Variants in DENND1B observed in about 807,000 individuals in gnomAD.
DENND1B encodes DENN domain-containing protein 1B.
In DENND1B, 59 loss-of-function variants were observed where a neutral mutation model predicts 90.1. The observed-to-expected ratio is 0.65, with a 90% CI of 0.53 to 0.81. DENND1B has a LOEUF of 0.81. DENND1B is among the 40% of genes least tolerant of loss of function. The pLI, the probability that DENND1B is intolerant of heterozygous loss-of-function variation, is 0.00. For synonymous variants in DENND1B, 337 were observed against 324.6 expected (o/e 1.04, Z -0.41); for missense variants, 862 against 912.6 (o/e 0.94, Z 0.71).
chr1:197,762,232 C>A (rs914065750), intron 2 of DENND1B, among the ~76,000 whole-genome samples: 12 of 151,994 alleles, frequency 7.9e-5, no homozygotes, highest in Admixed American at 5.9e-4. Flanking sequence ...TAGACTATAA[C>A]TTCCACGAGA....
intron 3 of DENND1B, chr1:197,689,924 A>G (rs1657675530): frequency 6.5e-6 from 1 of 153,414 alleles, no homozygotes; most frequent in Non-Finnish European, 1.5e-5. Context: ...AAAGATGGCG[A>G]TACCAGTGAA....
intron 19 of DENND1B, among the ~76,000 whole-genome samples, chr1:197,540,705 T>C (rs947887292): frequency 1.4e-4 from 22 of 152,294 alleles, no homozygotes; most frequent in African/African-American, 5.3e-4. Flanking sequence ...TATGAAAACA[T>C]ACATCCTGTT....
At chr1:197,657,223 CA>C (rs772183982) in intron 6 of DENND1B, among the ~76,000 whole-genome samples, 14 of 152,204 alleles carry the variant, frequency 9.2e-5, no homozygotes, top group Non-Finnish European at 1.5e-4. Flanking sequence ...GATTCAACAA[CA>C]AAAAACGCAA....
chr1:197,731,936 A>G (rs1662193009), intron 2 of DENND1B, among the ~76,000 whole-genome samples: 1 of 152,170 alleles, frequency 6.6e-6, no homozygotes, highest in Non-Finnish European at 1.5e-5. Flanking sequence ...TGGAGATTAC[A>G]TATATTCACT....
intron 15 of DENND1B, among the ~76,000 whole-genome samples, chr1:197,574,129 T>G (rs1381584122): frequency 6.6e-6 from 1 of 152,148 alleles, no homozygotes; most frequent in Non-Finnish European, 1.5e-5. Flanking sequence ...TGTATTCAAT[T>G]AGGAAAAGAG....
chr1:197,709,497 G>A (rs1453853788), intron 3 of DENND1B, among the ~76,000 whole-genome samples: 1 of 19,156 alleles, frequency 5.2e-5, no homozygotes, highest in African/African-American at 2.5e-4. Flanking sequence ...AAGTGAAGGA[G>A]AAATAAAATA....
chr1:197,775,148 C>A lies in DENND1B; in HGVS notation c.8G>T (p.Cys3Phe). 1 of 1,308,784 alleles carries A rather than the reference C, an allele frequency of 7.6e-7. No individual in the cohort carries two copies. The highest frequency in any genetic ancestry group is 9.8e-7 in the Non-Finnish European group (1 of 1,020,004). 81.1% of individuals were successfully genotyped at this position (1,308,784 alleles called of 1,614,324 possible). Residue 3 changes from cysteine (C) to phenylalanine (F), a missense_variant, in exon 1 of 23, where the codon TGC becomes TTC. Coordinates refer to ENST00000620048, the MANE Select transcript of DENND1B (RefSeq NM_001195215.2). ...GGGCCCCCCCACTCACTTGGTCCTG[C>A]AGTCCATGGTTACATGTCGGTGTGG... MD[C>F]RTKANPDRTF... is the part of the protein sequence containing the mutation.
At chr1:197,598,799 CA>C (rs1675937655) in intron 13 of DENND1B, among the ~76,000 whole-genome samples, 1 of 151,764 alleles carries the variant, frequency 6.6e-6, no homozygotes, top group African/African-American at 2.4e-5. Flanking sequence ...AATTACTTCA[CA>C]AAGGACATTT....
At chr1:197,774,968 G>C (rs117405403) in intron 1 of DENND1B, among the ~76,000 whole-genome samples, 171 bp downstream of exon 1, 87,136 of 151,832 alleles carry the variant, frequency 0.57, 25,315 homozygotes, top group East Asian at 0.65. Flanking sequence ...GCCTAGCGCC[G>C]TCCCGCCGGC....
chr1:197,540,186 G>A, intron 19 of DENND1B, 115 bp from the exon 20 acceptor site: 1 of 494,214 alleles, frequency 2.0e-6, no homozygotes, highest in South Asian at 6.2e-5. Flanking sequence ...TAACACTTCA[G>A]CTTTAAGTGT....
chr1:197,693,834 C>A (rs1289225238), intron 3 of DENND1B, among the ~76,000 whole-genome samples: 2 of 151,418 alleles, frequency 1.3e-5, no homozygotes, highest in Non-Finnish European at 3.0e-5. Flanking sequence ...GGTAGAATAA[C>A]CCCCACATCC....
chr1:197,527,694 T>C (rs773263195), intron 20 of DENND1B, among the ~76,000 whole-genome samples: 18 of 152,228 alleles, frequency 1.2e-4, no homozygotes, highest in Non-Finnish European at 2.2e-4. Flanking sequence ...TTGTCTTGCT[T>C]ATCATGATTT....
At chr1:197,645,827 T>A in intron 8 of DENND1B, 84 bp from the exon 9 acceptor site, 1 of 919,006 alleles carries the variant, frequency 1.1e-6, no homozygotes, top group Non-Finnish European at 1.6e-6. Context: ...GAAAAAAATA[T>A]ATTGAGTAAA....
At chr1:197,706,452 C>T (rs1659544208) in intron 3 of DENND1B, among the ~76,000 whole-genome samples, 1 of 152,094 alleles carries the variant, frequency 6.6e-6, no homozygotes, top group Non-Finnish European at 1.5e-5. Flanking sequence ...AACTAAAAAG[C>T]TTCGGCACAG....
chr1:197,537,672 A>G (rs1670014833), intron 20 of DENND1B, among the ~76,000 whole-genome samples: 1 of 152,050 alleles, frequency 6.6e-6, no homozygotes, highest in Admixed American at 6.5e-5. Context: ...CACGTTAAAT[A>G]TATATAATAA....
intron 15 of DENND1B, among the ~76,000 whole-genome samples, chr1:197,561,901 A>G (rs1464583587): frequency 1.3e-5 from 2 of 151,816 alleles, no homozygotes; most frequent in East Asian, 3.9e-4. Flanking sequence ...CATATCTTCA[A>G]TCAACAGTTC....
At chr1:197,550,571 C>A (rs1671144295) in intron 16 of DENND1B, among the ~76,000 whole-genome samples, 1 of 151,582 alleles carries the variant, frequency 6.6e-6, no homozygotes, top group Non-Finnish European at 1.5e-5. Context: ...GACAAAAAAC[C>A]AAACACCACA....
chr1:197,642,610 CT>C (rs1680362067), intron 10 of DENND1B, 100 bp downstream of exon 10: 1 of 721,178 alleles, frequency 1.4e-6, no homozygotes, highest in South Asian at 2.2e-5. Context: ...TAGATATTGT[CT>C]TATAAGTACA....
chr1:197,746,772 G>C (rs2102391824), intron 2 of DENND1B: 1 of 1,466,954 alleles, frequency 6.8e-7, no homozygotes, highest in East Asian at 2.3e-5. Flanking sequence ...ATGTCACTTT[G>C]GGTTTCCCAT....
Sources: gnomAD v4.1 joint callset for allele counts (sites outside exome capture counted in the v4.1 genomes callset) on GRCh38, gnomAD v4.1.1 for gene constraint, MANE v1.5 for transcripts, NCBI Gene and HGNC (gene_info 2026-07-23, HGNC 2026-07-21) for gene names.